The following IKBKE variants were observed in gnomAD, a reference collection of about 807,000 sequenced individuals.
IKBKE encodes inhibitor of nuclear factor kappa-B kinase subunit epsilon.
IKBKE carries 45 observed loss-of-function variants against 92.1 expected under a neutral mutation model. The ratio of observed to expected loss-of-function variants is 0.49; its 90% CI spans 0.38 to 0.63. The LOEUF is 0.63. Ranked by LOEUF, IKBKE falls within the 20% of genes least tolerant of loss-of-function variation. IKBKE has a pLI of 0.00. For missense variants in IKBKE, 700 were observed against 932.8 expected (o/e 0.75, Z 3.25); for synonymous variants, 374 against 380.3 (o/e 0.98, Z 0.19).
At chr1:206,477,601 G>C in intron 7 of IKBKE, 148 bp from the exon 8 acceptor site, 1 of 606,202 alleles carries the variant, frequency 1.6e-6, no homozygotes, top group South Asian at 2.1e-5. Context: ...TCACAGCTGA[G>C]AGCCAGGTTT....
In IKBKE at chr1:206,477,768, A is replaced by T; in HGVS notation, c.721A>T (p.Lys241Ter). ...KEIMYRITTEKPAGAIAGAQR... is the reference protein window; with the variant it reads ...KEIMYRITTE ...CCGCAGGTACCGGATCACCACGGAG[A>T]AGCCGGCTGGGGCCATTGCAGGTGC... Residue 241 changes from lysine (K) to a stop codon, truncating the protein, a stop_gained, in exon 8 of 22, where the codon AAG (lysine) becomes TAG (stop). Transcript: ENST00000581977. LOFTEE classifies it high-confidence loss of function. The T allele has an allele frequency of 6.4e-7, 1 of 1,565,578 alleles. No homozygotes were observed. Among genetic ancestry groups the T allele is most frequent in the Non-Finnish European group, 8.7e-7 (1 of 1,155,296 alleles).
At chr1:206,492,310 G>T (rs111744076) in intron 18 of IKBKE, 5 of 395,460 alleles carry the variant, frequency 1.3e-5, no homozygotes, top group African/African-American at 4.2e-5. Flanking sequence ...TCCATCCCCT[G>T]CCTGTGTGAA....
rs1553389179 is a variant in IKBKE at position 206,487,867 on chromosome 1, G to A, written c.1617-47G>A. On this transcript the variant is annotated intron_variant, in intron 15 of 21. Transcript: ENST00000581977. This position sits in a 1 kb window ranked among gnomAD's most constrained non-coding sequence, Gnocchi z 5.3. ...CTTCCCCTCCCTCCCTCTTTCCTCTGTGCTATTAGATTCTTCCAACACCTG... is the reference window on the plus strand; with the variant it reads ...CTTCCCCTCCCTCCCTCTTTCCTCTATGCTATTAGATTCTTCCAACACCTG... 2.0e-6 allele frequency: 3 copies of A among 1,486,488 alleles called. No individual in the cohort carries two copies. In the South Asian group the frequency reaches 3.5e-5, roughly 17 times the overall value. 92.1% of individuals were successfully genotyped at this position (1,486,488 alleles called of 1,614,324 possible). A position where few individuals can be genotyped will look rare whatever the true frequency, so the allele number is the denominator to read the frequency against.
In IKBKE at chr1:206,476,776, T is replaced by C. The variant is rs1275896669; in HGVS notation, c.639T>C (p.His213=). Residue 213 remains histidine (H), a synonymous_variant, in exon 7 of 22, where the codon CAT becomes CAC. Coordinates refer to ENST00000581977, the MANE Select transcript of IKBKE (RefSeq NM_014002.4). This position sits in a 1 kb window ranked among gnomAD's most constrained non-coding sequence, Gnocchi z 5.1. ...DLWSIGVTLY[H]AATGSLPFIP... is the part of the protein sequence containing the mutation. ...GGAGCATTGGAGTGACCTTGTACCA[T>C]GCAGCCACTGGCAGCCTGCCCTTCA... is the stretch of plus-strand genomic sequence containing the variant. 1 of 1,614,216 alleles carries C rather than the reference T, an allele frequency of 6.2e-7. No individual in the cohort carries two copies. Among genetic ancestry groups the C allele is most frequent in the Non-Finnish European group, 8.5e-7 (1 of 1,180,038 alleles).
In IKBKE at chr1:206,487,857, T is replaced by C. The variant is rs1572260043; in HGVS notation, c.1617-57T>C. On this transcript the variant is annotated intron_variant, in intron 15 of 21. Transcript: ENST00000581977. This position sits in a 1 kb window ranked among gnomAD's most constrained non-coding sequence, Gnocchi z 5.3. ...CACTGCCACCCTTCCCCTCCCTCCC[T>C]CTTTCCTCTGTGCTATTAGATTCTT... 1 of 1,387,466 alleles carries C rather than the reference T, an allele frequency of 7.2e-7. No homozygotes were observed. 85.9% of individuals were successfully genotyped at this position (1,387,466 alleles called of 1,614,324 possible).
rs1666053460 is a variant in IKBKE, at chr1:206,493,390, G to A, written c.2045+12G>A. ...GACCTGCTTCTCCAGTAAGTGCTGG[G>A]GAGAAAGCGGTTGTGTATCTGTGTG... On this transcript the variant is annotated intron_variant, in intron 20 of 21. Coordinates refer to ENST00000581977, the MANE Select transcript of IKBKE (RefSeq NM_014002.4). 1.9e-6 allele frequency: 3 copies of A among 1,575,620 alleles called. No individual in the cohort carries two copies. The highest frequency in any genetic ancestry group is 2.6e-6 in the Non-Finnish European group (3 of 1,145,144).
intron 3 of IKBKE, 102 bp downstream of exon 3, chr1:206,473,416 G>T: frequency 2.5e-6 from 2 of 795,846 alleles, no homozygotes; most frequent in Non-Finnish European, 4.1e-6. Context: ...AGGGTGGTGG[G>T]ACAGGGACCT....
chr1:206,473,351 G>C (rs782305450), intron 3 of IKBKE, 37 bp downstream of exon 3: 3 of 1,505,568 alleles, frequency 2.0e-6, no homozygotes, highest in Non-Finnish European at 2.7e-6. Flanking sequence ...GTCCAGCCCA[G>C]CCTTGGCCCC....
At chr1:206,496,081 G>A in intron 21 of IKBKE, 31 bp from the exon 22 acceptor site, 1 of 1,601,930 alleles carries the variant, frequency 6.2e-7, no homozygotes, top group African/African-American at 1.3e-5. Context: ...TCCAACAGGT[G>A]GGCACTGCTA....
In IKBKE at chr1:206,487,865, C is replaced by T. The variant is rs2103476921; in HGVS notation, c.1617-49C>T. The T allele has an allele frequency of 1.4e-6, 2 of 1,478,672 alleles. No homozygotes were observed. The highest frequency in any genetic ancestry group is 2.3e-5 in the East Asian group (1 of 44,040). The allele number at this position is 1,478,672 out of a possible 1,614,324, so 91.6% of individuals were successfully genotyped here. A position where few individuals can be genotyped will look rare whatever the true frequency, so the allele number is the denominator to read the frequency against. Reference sequence around the variant, plus strand: ...CCCTTCCCCTCCCTCCCTCTTTCCTCTGTGCTATTAGATTCTTCCAACACC... The same window carrying T: ...CCCTTCCCCTCCCTCCCTCTTTCCTTTGTGCTATTAGATTCTTCCAACACC... On this transcript the variant is annotated intron_variant, in intron 15 of 21. Coordinates refer to ENST00000581977, the MANE Select transcript of IKBKE (RefSeq NM_014002.4). The surrounding 1 kb of genome is among the most constrained non-coding windows in gnomAD (Gnocchi z 5.3).
At chr1:206,491,322 G>C in intron 17 of IKBKE, 8 of 370,884 alleles carry the variant, frequency 2.2e-5, no homozygotes, top group South Asian at 2.0e-4. Flanking sequence ...ACACACACAC[G>C]CACTCACACA....
In IKBKE at chr1:206,478,887, C is replaced by T; in HGVS notation, c.993-56C>T. ...GCTGGGGCTTAGGTCACCCTAGCCC[C>T]CTGCCTTGCCTACTGACACCCCCTG... is the stretch of plus-strand genomic sequence containing the variant. On this transcript the variant is annotated intron_variant, in intron 9 of 21. Coordinates refer to ENST00000581977, the MANE Select transcript of IKBKE (RefSeq NM_014002.4). The surrounding 1 kb of genome is among the most constrained non-coding windows in gnomAD (Gnocchi z 4.8). 1.4e-6 allele frequency: 2 copies of T among 1,383,692 alleles called. No homozygotes were observed. The highest frequency in any genetic ancestry group is 2.3e-5 in the East Asian group (1 of 43,800). 85.7% of individuals were successfully genotyped at this position (1,383,692 alleles called of 1,614,324 possible).
chr1:206,493,971 C>A lies in IKBKE; in HGVS notation c.2097C>A (p.Asp699Glu). The change falls in exon 21 of 22, where the codon GAC becomes GAA. Residue 699 changes from aspartate (D) to glutamate (E), a missense_variant. Transcript: ENST00000581977. ...AGCTGCTGGCATCTGACCTCCTGGA[C>A]AACAACCGCATCATCGAACGGTAAG... ...GMKLLASDLL[D>E]NNRIIERLNR... 6.2e-7 allele frequency: 1 copy of A among 1,614,070 alleles called. No homozygotes were observed. Among genetic ancestry groups the A allele is most frequent in the South Asian group, 1.1e-5 (1 of 91,088 alleles).
chr1:206,485,422 G>A lies in IKBKE; in HGVS notation c.1616+116G>A, dbSNP rs1442901136. 1.0e-5 allele frequency: 7 copies of A among 674,082 alleles called. No homozygotes were observed. The highest frequency in any genetic ancestry group is 8.9e-5 in the African/African-American group (5 of 55,958). The allele number at this position is 674,082 out of a possible 1,614,324, so 41.8% of individuals were successfully genotyped here. A position where few individuals can be genotyped will look rare whatever the true frequency, so the allele number is the denominator to read the frequency against. On this transcript the variant is annotated intron_variant, in intron 15 of 21. Transcript: ENST00000581977. The surrounding 1 kb of genome is among the most constrained non-coding windows in gnomAD (Gnocchi z 5.0). ...TGCATTCCCCTTTCTCTTGGCAAGG[G>A]TGCTAGGGCATGGGGGAGTAGAGGG...
In IKBKE at chr1:206,474,694, C is replaced by G. The variant is rs2297546; in HGVS notation, c.229-171C>G. On this transcript the variant is annotated intron_variant, in intron 4 of 21. Coordinates refer to ENST00000581977, the MANE Select transcript of IKBKE (RefSeq NM_014002.4). Reference sequence around the variant, plus strand: ...CTAAGCAGAGGGCTTCCTGGAATAACTGACTTTGGATTCCAGTGTGCGGGA... The same window carrying G: ...CTAAGCAGAGGGCTTCCTGGAATAAGTGACTTTGGATTCCAGTGTGCGGGA... 375,211 of 841,586 alleles carry G rather than the reference C, an allele frequency of 0.45. 90,883 individuals are homozygous for G. The highest frequency in any genetic ancestry group is 0.79 in the African/African-American group (45,997 of 58,392). 52.1% of individuals were successfully genotyped at this position (841,586 alleles called of 1,614,324 possible). A position where few individuals can be genotyped will look rare whatever the true frequency, so the allele number is the denominator to read the frequency against.
chr1:206,494,539 C>T (rs1666119740), intron 21 of IKBKE, among the ~76,000 whole-genome samples: 1 of 149,292 alleles, frequency 6.7e-6, no homozygotes, highest in Non-Finnish European at 1.5e-5. Context: ...TGTGGGAACG[C>T]AACAGGGCTC....
Position 206,478,265 on chromosome 1 carries a change from G to A in IKBKE, c.918G>A (p.Leu306=), listed in dbSNP as rs560751980. The A allele has an allele frequency of 1.9e-6, 3 of 1,614,178 alleles. No homozygotes were observed. The highest frequency in any genetic ancestry group is 1.3e-5 in the African/African-American group (1 of 75,058). ...DQFFAETSDI[L]QRVVVHVFSL... ...TCTTTGCGGAGACCAGTGACATCCT[G>A]CAGCGAGTTGTCGTCCATGTCTTCT... The change falls in exon 9 of 22, where the codon CTG becomes CTA. Residue 306 remains leucine (L), a synonymous_variant. Transcript: ENST00000581977. This position sits in a 1 kb window ranked among gnomAD's most constrained non-coding sequence, Gnocchi z 4.8.
Position 206,477,763 on chromosome 1 carries a change from C to T in IKBKE, c.716C>T (p.Thr239Met), listed in dbSNP as rs148172544. ...RNKEIMYRITTEKPAGAIAGA... is the reference protein window; with the variant it reads ...RNKEIMYRITMEKPAGAIAGA... Reference sequence around the variant, plus strand: ...CCTCCCCGCAGGTACCGGATCACCACGGAGAAGCCGGCTGGGGCCATTGCA... The same window carrying T: ...CCTCCCCGCAGGTACCGGATCACCATGGAGAAGCCGGCTGGGGCCATTGCA... The change falls in exon 8 of 22, where the codon ACG (threonine) becomes ATG (methionine). Residue 239 changes from threonine to methionine, a missense_variant. Physicochemically the swap from Thr to Met is moderately conservative, Grantham distance 81. Transcript: ENST00000581977. The T allele has an allele frequency of 3.8e-6, 6 of 1,563,370 alleles. No individual in the cohort carries two copies. The highest frequency in any genetic ancestry group is 5.2e-6 in the Non-Finnish European group (6 of 1,153,970).
At chr1:206,473,016 T>C in intron 2 of IKBKE, 180 bp from the exon 3 acceptor site, 1 of 574,430 alleles carries the variant, frequency 1.7e-6, no homozygotes, top group Admixed American at 3.4e-5. Flanking sequence ...GTGCTGTGCG[T>C]CCTTTTGGGG....
Sources: gnomAD v4.1 joint callset for allele counts (sites outside exome capture counted in the v4.1 genomes callset) on GRCh38, gnomAD v4.1.1 for gene constraint, Gnocchi (gnomAD v3.1) non-coding constraint, MANE v1.5 for transcripts, NCBI Gene and HGNC (gene_info 2026-07-23, HGNC 2026-07-21) for gene names.